BRD10: variants seen among roughly 807,000 people sequenced by gnomAD.
BRD10 encodes the protein bromodomain containing 10, also known as uncharacterized bromodomain-containing protein 10.
At chr9:5,909,853 G>A in the BRD10 span, 1 of 152,132 alleles carries the variant, frequency 6.6e-6, no homozygotes, top group East Asian at 1.9e-4. Context: ...TAGCAACATT[G>A]CAATTTGTTT....
chr9:5,883,462 C>CTTT, the BRD10 span, among the ~76,000 whole-genome samples: 51,297 of 101,034 alleles, frequency 0.51, 14,207 homozygotes, highest in Non-Finnish European at 0.61. Flanking sequence ...CCTTCTTCTT[C>CTTT]TTTTTTTTTT....
At chr9:5,906,289 C>T in the BRD10 span, among the ~76,000 whole-genome samples, 1 of 147,866 alleles carries the variant, frequency 6.8e-6, no homozygotes, top group Non-Finnish European at 1.5e-5. Flanking sequence ...GAGATCGTGC[C>T]ATTATACTCC....
chr9:5,886,811 G>A, the BRD10 span, among the ~76,000 whole-genome samples: 2 of 152,164 alleles, frequency 1.3e-5, no homozygotes, highest in East Asian at 1.9e-4. Flanking sequence ...TTCAAGTTGA[G>A]GTGCCCAGGG....
chr9:6,003,276 C>T, the BRD10 span, among the ~76,000 whole-genome samples: 3 of 152,104 alleles, frequency 2.0e-5, no homozygotes, highest in African/African-American at 7.2e-5. Context: ...TAGAAAAAGC[C>T]ATCTTCAGCC....
chr9:5,961,041 G>C, the BRD10 span, among the ~76,000 whole-genome samples: 1 of 152,112 alleles, frequency 6.6e-6, no homozygotes, highest in Non-Finnish European at 1.5e-5. Context: ...GTTAGTTTTA[G>C]TTACATCTAG....
chr9:5,891,115 A>T, the BRD10 span: 15 of 152,210 alleles, frequency 9.9e-5, no homozygotes, highest in African/African-American at 3.4e-4. Context: ...CTCCTCCTGA[A>T]TCCTCTCTCA....
At chr9:5,936,964 A>C in the BRD10 span, among the ~76,000 whole-genome samples, 3 of 152,082 alleles carry the variant, frequency 2.0e-5, no homozygotes, top group African/African-American at 7.2e-5. Flanking sequence ...GTGCGGTGGC[A>C]ATCATGCCTG....
At chr9:5,994,174 T>C in the BRD10 span, among the ~76,000 whole-genome samples, 2 of 152,172 alleles carry the variant, frequency 1.3e-5, no homozygotes, top group Non-Finnish European at 2.9e-5. Context: ...CCATCAATAA[T>C]GTTAAAAAAT....
chr9:5,879,839 C>T, the BRD10 span, among the ~76,000 whole-genome samples: 1 of 152,154 alleles, frequency 6.6e-6, no homozygotes, highest in African/African-American at 2.4e-5. Flanking sequence ...TCTAAAAAAT[C>T]CCATAGCTCG....
chr9:5,986,617 G>A, the BRD10 span, among the ~76,000 whole-genome samples: 1 of 152,058 alleles, frequency 6.6e-6, no homozygotes, highest in Admixed American at 6.5e-5. Context: ...CCACAGCACA[G>A]GCTTTAATTT....
the BRD10 span, among the ~76,000 whole-genome samples, chr9:5,941,243 C>A: frequency 6.6e-6 from 1 of 152,146 alleles, no homozygotes. Context: ...TATCTTAGCT[C>A]TATCTTTCAG....
At chr9:5,981,225 C>G in the BRD10 span, among the ~76,000 whole-genome samples, 1 of 152,276 alleles carries the variant, frequency 6.6e-6, no homozygotes, top group African/African-American at 2.4e-5. Context: ...TGGGATGAAG[C>G]ATTTATTTCC....
chr9:5,982,676 C>A, the BRD10 span, among the ~76,000 whole-genome samples: 4 of 152,204 alleles, frequency 2.6e-5, no homozygotes, highest in Non-Finnish European at 1.5e-5. Context: ...TGTAAAAAAA[C>A]AAATTCCTTC....
chr9:5,920,221 A>T, the BRD10 span: 2 of 1,613,000 alleles, frequency 1.2e-6, no homozygotes, highest in Non-Finnish European at 1.7e-6. Context: ...GGCCACTGTT[A>T]AGAACTAAGG....
the BRD10 span, among the ~76,000 whole-genome samples, chr9:5,985,217 A>C: frequency 6.6e-6 from 1 of 152,072 alleles, no homozygotes; most frequent in Non-Finnish European, 1.5e-5. Context: ...GGAAAAAAGT[A>C]AAGTTTTTCC....
the BRD10 span, chr9:5,933,642 CTT>C: frequency 2.6e-6 from 1 of 380,522 alleles, no homozygotes; most frequent in Non-Finnish European, 5.3e-6. Context: ...AGATTAATAA[CTT>C]AAGGAATCAT....
chr9:5,915,445 C>T, the BRD10 span, among the ~76,000 whole-genome samples: 2 of 152,244 alleles, frequency 1.3e-5, no homozygotes, highest in Non-Finnish European at 2.9e-5. Context: ...ACTACCTTTG[C>T]TTCAAAAGCT....
the BRD10 span, chr9:5,891,232 C>T: frequency 6.6e-6 from 1 of 152,238 alleles, no homozygotes; most frequent in Admixed American, 6.5e-5. Flanking sequence ...TAAAGAACCA[C>T]TTCTCCTGGT....
chr9:5,925,868 C>T, the BRD10 span, among the ~76,000 whole-genome samples: 1 of 152,112 alleles, frequency 6.6e-6, no homozygotes, highest in Non-Finnish European at 1.5e-5. Flanking sequence ...TCAACTTTTA[C>T]CCTTAGTGTC....
Sources: gnomAD v4.1 joint callset for allele counts (sites outside exome capture counted in the v4.1 genomes callset) on GRCh38, gnomAD v4.1.1 for gene constraint, MANE v1.5 for transcripts, NCBI Gene and HGNC (gene_info 2026-07-23, HGNC 2026-07-21) for gene names.